CACNA2D3: variants seen among roughly 807,000 people sequenced by gnomAD.
CACNA2D3 encodes the protein calcium voltage-gated channel auxiliary subunit alpha2delta 3, also known as voltage-dependent calcium channel subunit alpha-2/delta-3.
In CACNA2D3, 60 loss-of-function variants were observed where a neutral mutation model predicts 160.6. That is an observed-to-expected ratio of 0.37 (90% CI 0.30 to 0.46). The LOEUF (loss-of-function observed/expected upper bound fraction) is 0.46, where lower values mean the gene tolerates loss of function less well. CACNA2D3 is among the 20% of genes least tolerant of loss of function. The pLI, the probability that CACNA2D3 is intolerant of heterozygous loss-of-function variation, is 1.00. For synonymous variants in CACNA2D3, 558 were observed against 492.9 expected (o/e 1.13, Z -1.75); for missense variants, 1,205 against 1,365.0 (o/e 0.88, Z 1.85).
chr3:54,333,565 G>A (rs1008006403), intron 3 of CACNA2D3, among the ~76,000 whole-genome samples: 3 of 151,918 alleles, frequency 2.0e-5, no homozygotes, highest in Non-Finnish European at 2.9e-5. Context: ...AGCCAAATGC[G>A]CTCTGGAGAC....
intron 35 of CACNA2D3, among the ~76,000 whole-genome samples, chr3:55,025,358 G>A (rs358049): frequency 0.27 from 40,707 of 151,882 alleles, 5,953 homozygotes; most frequent in East Asian, 0.45. Flanking sequence ...AAGGCTGGGC[G>A]CGGTGGCTCA....
intron 11 of CACNA2D3, among the ~76,000 whole-genome samples, chr3:54,660,528 G>T (rs1250137872): frequency 6.6e-6 from 1 of 152,134 alleles, no homozygotes. Context: ...CCTTCTTCCT[G>T]TAGATTTTGG....
At chr3:54,254,127 A>AT (rs1284536279) in intron 2 of CACNA2D3, among the ~76,000 whole-genome samples, 2 of 152,060 alleles carry the variant, frequency 1.3e-5, no homozygotes, top group South Asian at 2.1e-4. Flanking sequence ...AAAAATATGT[A>AT]TTTTTTCCAT....
intron 11 of CACNA2D3, among the ~76,000 whole-genome samples, chr3:54,744,695 G>T (rs1701719296): frequency 6.6e-6 from 1 of 152,230 alleles, no homozygotes; most frequent in African/African-American, 2.4e-5. Flanking sequence ...CAGGCTGAGG[G>T]AAGTATCTAT....
At chr3:54,194,299 C>T (rs149738877) in intron 2 of CACNA2D3, among the ~76,000 whole-genome samples, 2,841 of 152,286 alleles carry the variant, frequency 0.019, 36 homozygotes, top group Admixed American at 0.029. Flanking sequence ...TTGATCCTTA[C>T]ACATTCTATG....
chr3:54,806,608 C>T (rs542043232), intron 13 of CACNA2D3, among the ~76,000 whole-genome samples: 13 of 152,142 alleles, frequency 8.5e-5, no homozygotes, highest in Non-Finnish European at 1.2e-4. Context: ...GAATCAATAT[C>T]GTGAGAATGG....
chr3:55,016,840 A>G (rs1703336127), intron 34 of CACNA2D3, among the ~76,000 whole-genome samples: 1 of 152,172 alleles, frequency 6.6e-6, no homozygotes, highest in African/African-American at 2.4e-5. Context: ...CCTCAATGAA[A>G]AGCCTACATA....
At chr3:54,355,641 A>C (rs1009494889) in intron 3 of CACNA2D3, among the ~76,000 whole-genome samples, 44 of 152,182 alleles carry the variant, frequency 2.9e-4, no homozygotes, top group African/African-American at 1.1e-3. Context: ...GGCCATGTTA[A>C]GTTTGAGATG....
At chr3:54,601,565 C>G (rs1703061002) in intron 9 of CACNA2D3, among the ~76,000 whole-genome samples, 1 of 152,086 alleles carries the variant, frequency 6.6e-6, no homozygotes, top group Non-Finnish European at 1.5e-5. Flanking sequence ...ATCAGAACCT[C>G]TCAGCCTGGA....
intron 12 of CACNA2D3, among the ~76,000 whole-genome samples, chr3:54,761,241 C>T (rs147984756): frequency 6.2e-4 from 95 of 152,136 alleles, no homozygotes; most frequent in Non-Finnish European, 1.1e-3. Flanking sequence ...TGTCTGGGCC[C>T]AAGAGCACAG....
rs1160202751 is a variant in CACNA2D3, at chr3:54,736,127, A to ATG, written c.1168-16471_1168-16470insGT. ...TATATATGTATATATATACATATAT[A>ATG]TATGTATATATATACACACACACAC... is the stretch of plus-strand genomic sequence containing the variant. On this transcript the variant is annotated intron_variant, in intron 11 of 37. Coordinates refer to ENST00000474759, the MANE Select transcript of CACNA2D3 (RefSeq NM_018398.3). Among the ~76,000 whole-genome samples, 27 of 66,324 alleles carry ATG rather than the reference A, an allele frequency of 4.1e-4. 1 individual carries two copies. The highest frequency in any genetic ancestry group is 4.7e-4 in the Non-Finnish European group (15 of 31,778). The allele number at this position is 66,324 out of a possible 152,430, so 43.5% of individuals were successfully genotyped here.
chr3:55,002,292 G>A (rs1445612688), intron 31 of CACNA2D3, among the ~76,000 whole-genome samples: 1 of 152,164 alleles, frequency 6.6e-6, no homozygotes, highest in Non-Finnish European at 1.5e-5. Flanking sequence ...CCTCTCACCT[G>A]GCTCTGGCAC....
chr3:54,658,299 A>G (rs1484479979), intron 11 of CACNA2D3, among the ~76,000 whole-genome samples: 1 of 152,222 alleles, frequency 6.6e-6, no homozygotes, highest in African/African-American at 2.4e-5. Context: ...TATTTCACCA[A>G]CAGGGCACAA....
At chr3:54,392,581 T>C (rs1471231197) in intron 4 of CACNA2D3, among the ~76,000 whole-genome samples, 1 of 152,080 alleles carries the variant, frequency 6.6e-6, no homozygotes, top group African/African-American at 2.4e-5. Flanking sequence ...GGAAAGGAGC[T>C]GGCAGCACAC....
intron 4 of CACNA2D3, among the ~76,000 whole-genome samples, chr3:54,488,047 G>C (rs151274324): frequency 2.6e-5 from 4 of 152,218 alleles, no homozygotes; most frequent in Admixed American, 2.0e-4. Flanking sequence ...AAAGGTCTTA[G>C]GGGAATAGGC....
chr3:54,479,951 TA>T (rs1418629115), intron 4 of CACNA2D3, among the ~76,000 whole-genome samples: 1 of 152,132 alleles, frequency 6.6e-6, no homozygotes, highest in Non-Finnish European at 1.5e-5. Flanking sequence ...GTTGATTCTG[TA>T]AAAATCCAGG....
Position 54,987,462 on chromosome 3 carries a change from G to C in CACNA2D3, c.2620-221G>C, listed in dbSNP as rs145013115. Among the ~76,000 whole-genome samples, 7 of 152,228 alleles carry C rather than the reference G, an allele frequency of 4.6e-5. No homozygotes were observed. In the East Asian group the frequency reaches 1.2e-3, roughly 25 times the overall value. ...AATTTCAGCATTCAGCATGGGTTAC[G>C]CAGCCCCCTCCCACGTACTGTGGAA... On this transcript the variant is annotated intron_variant, in intron 30 of 37. Coordinates refer to ENST00000474759, the MANE Select transcript of CACNA2D3 (RefSeq NM_018398.3).
intron 4 of CACNA2D3, among the ~76,000 whole-genome samples, chr3:54,441,742 A>G (rs1351975109): frequency 6.6e-6 from 1 of 152,240 alleles, no homozygotes; most frequent in Non-Finnish European, 1.5e-5. Context: ...CAATTCAAAA[A>G]ACATTTCTAA....
At chr3:54,262,685 G>T (rs934845156) in intron 2 of CACNA2D3, among the ~76,000 whole-genome samples, 2 of 152,148 alleles carry the variant, frequency 1.3e-5, no homozygotes, top group African/African-American at 4.8e-5. Flanking sequence ...TTGGAGCTGG[G>T]GGACACAGGG....
Sources: allele counts gnomAD v4.1 joint callset (sites outside exome capture counted in the v4.1 genomes callset), GRCh38; gene constraint gnomAD v4.1.1; transcripts MANE v1.5; gene names NCBI Gene and HGNC (gene_info 2026-07-23, HGNC 2026-07-21).